The following HMGB1 variants were observed in gnomAD, a reference collection of about 807,000 sequenced individuals.
HMGB1 encodes the protein high mobility group protein B1.
For missense variants in HMGB1, 79 were observed against 253.5 expected (o/e 0.31, Z 4.67); for synonymous variants, 81 against 84.0 (o/e 0.96, Z 0.19).
At chr13:30,608,196 C>T (rs569354602) in intron 1 of HMGB1, among the ~76,000 whole-genome samples, 1 of 152,298 alleles carries the variant, frequency 6.6e-6, no homozygotes, top group Admixed American at 6.5e-5. Context: ...ACTGGAGCCA[C>T]TCAGCTAAAC....
chr13:30,470,748 A>G (rs112224045), upstream of HMGB1, among the ~76,000 whole-genome samples: 10,916 of 152,082 alleles, frequency 0.072, 1,283 homozygotes, highest in African/African-American at 0.25. Context: ...TCCTGGGTTC[A>G]AGTGATTCTC....
chr13:30,565,041 A>C (rs573576392), intron 1 of HMGB1, among the ~76,000 whole-genome samples: 2 of 152,358 alleles, frequency 1.3e-5, no homozygotes, highest in East Asian at 3.9e-4. Context: ...TACATAGATT[A>C]TCTCTTAAAT....
intron 1 of HMGB1, among the ~76,000 whole-genome samples, chr13:30,599,018 C>T (rs1355525447): frequency 6.6e-6 from 1 of 151,940 alleles, no homozygotes; most frequent in African/African-American, 2.4e-5. Flanking sequence ...CACTATGTTG[C>T]CCAGGCTGGA....
chr13:30,538,493 T>TCTTTC (rs1566018731), intron 1 of HMGB1, among the ~76,000 whole-genome samples: 1 of 47,422 alleles, frequency 2.1e-5, no homozygotes, highest in African/African-American at 5.6e-5. Context: ...TTTCTTTCTT[T>TCTTTC]CTTTCTTTCT....
At chr13:30,562,991 G>A (rs543535138) in intron 1 of HMGB1, among the ~76,000 whole-genome samples, 2 of 152,316 alleles carry the variant, frequency 1.3e-5, no homozygotes, top group East Asian at 1.9e-4. Context: ...CCAGGTCTGC[G>A]ATGTATGTTC....
intron 1 of HMGB1, among the ~76,000 whole-genome samples, chr13:30,616,401 C>T (rs1950562913): frequency 1.3e-5 from 2 of 152,216 alleles, no homozygotes; most frequent in Non-Finnish European, 2.9e-5. Flanking sequence ...ATTTTAGCTA[C>T]ATTTTAACTG....
intron 1 of HMGB1, among the ~76,000 whole-genome samples, chr13:30,534,986 A>C (rs1212599543): frequency 1.3e-5 from 2 of 152,246 alleles, no homozygotes. Context: ...TGTATACAGC[A>C]CTGGAGAGAC....
chr13:30,562,311 A>G (rs1869994010), intron 1 of HMGB1, among the ~76,000 whole-genome samples: 1 of 151,734 alleles, frequency 6.6e-6, no homozygotes, highest in Non-Finnish European at 1.5e-5. Context: ...AAAAAAAAAA[A>G]AGATGTATTT....
intron 1 of HMGB1, among the ~76,000 whole-genome samples, chr13:30,598,008 C>T (rs1489783573): frequency 6.6e-6 from 1 of 152,208 alleles, no homozygotes; most frequent in Non-Finnish European, 1.5e-5. Context: ...GCTGTCCCTT[C>T]CTCAGAATTA....
Position 30,559,198 on chromosome 13 carries a change from C to T in HMGB1, c.-15+57473G>A, listed in dbSNP as rs930128812. ...AAATTGCCCCTGTTGAGAAGCACTG[C>T]CTTAGATCATTCCTTACCAAGGTAC... On this transcript the variant is annotated intron_variant, in intron 1 of 4. Coordinates refer to the HMGB1 transcript ENST00000405805. This position sits in a 1 kb window ranked among gnomAD's most constrained non-coding sequence, Gnocchi z 6.6. 5.3e-5 allele frequency among the ~76,000 whole-genome samples: 8 copies of T among 151,854 alleles called. No individual in the cohort carries two copies. The highest frequency in any genetic ancestry group is 4.6e-4 in the Admixed American group (7 of 15,262).
intron 1 of HMGB1, chr13:30,464,581 G>GCGC (rs528581631): frequency 0.032 from 31,491 of 984,030 alleles, 574 homozygotes; most frequent in African/African-American, 0.071. Context: ...CTGCAGGCCC[G>GCGC]CGCCGCCGCC....
intron 1 of HMGB1, among the ~76,000 whole-genome samples, chr13:30,556,900 C>T (rs1593310578): frequency 6.6e-6 from 1 of 152,224 alleles, no homozygotes; most frequent in East Asian, 1.9e-4. Context: ...GGATATTGCA[C>T]ATTCTCAACA....
chr13:30,590,929 T>A (rs1871339847), intron 1 of HMGB1, among the ~76,000 whole-genome samples: 1 of 151,910 alleles, frequency 6.6e-6, no homozygotes, highest in South Asian at 2.1e-4. Flanking sequence ...CTGCTGTTTA[T>A]AAATTATCCA....
chr13:30,544,136 G>A (rs116886089), intron 1 of HMGB1, among the ~76,000 whole-genome samples: 1 of 152,328 alleles, frequency 6.6e-6, no homozygotes, highest in Non-Finnish European at 1.5e-5. Flanking sequence ...TCCTAGCGAT[G>A]TCTCTCTGCC....
chr13:30,492,083 G>A (rs1319299380), intron 1 of HMGB1, among the ~76,000 whole-genome samples: 1 of 151,682 alleles, frequency 6.6e-6, no homozygotes, highest in Non-Finnish European at 1.5e-5. Flanking sequence ...CAGGAGAATC[G>A]CTTGAAGCCA....
rs145025627 is a variant in HMGB1 at position 30,501,982 on chromosome 13, G to T, written c.-14-38288C>A. ...CAGATTGATTAAAAGATATACTGGG[G>T]AAACTCCTTTCATAGCCAAATTTTA... On this transcript the variant is annotated intron_variant, in intron 1 of 4. Transcript: ENST00000405805. 3.0e-3 allele frequency among the ~76,000 whole-genome samples: 462 copies of T among 152,250 alleles called. 5 individuals carry two copies. The highest frequency in any genetic ancestry group is 0.01 in the African/African-American group (426 of 41,542).
At chr13:30,466,825 A>G (rs952110864), upstream of HMGB1, among the ~76,000 whole-genome samples, 4 of 152,370 alleles carry the variant, frequency 2.6e-5, no homozygotes, top group African/African-American at 9.6e-5. Context: ...CAAATTCATT[A>G]GAGACCACAT....
At chr13:30,539,098 T>C (rs537160750) in intron 1 of HMGB1, among the ~76,000 whole-genome samples, 10 of 152,264 alleles carry the variant, frequency 6.6e-5, no homozygotes, top group Non-Finnish European at 1.5e-4. Context: ...GGTTTCACCA[T>C]GTTGGCCTGG....
At chr13:30,584,038 A>G (rs1340671453) in intron 1 of HMGB1, among the ~76,000 whole-genome samples, 2 of 151,866 alleles carry the variant, frequency 1.3e-5, no homozygotes, top group East Asian at 3.9e-4. Context: ...TGAATGAACA[A>G]AAAGAAAGAA....
Sources: gnomAD v4.1 joint callset for allele counts (sites outside exome capture counted in the v4.1 genomes callset) on GRCh38, gnomAD v4.1.1 for gene constraint, Gnocchi (gnomAD v3.1) non-coding constraint, MANE v1.5 for transcripts, NCBI Gene and HGNC (gene_info 2026-07-23, HGNC 2026-07-21) for gene names.